Variants in GRIPAP1 observed in about 807,000 individuals in gnomAD.
GRIPAP1 encodes the protein GRIP1-associated protein 1.
Under a neutral mutation model 84.1 loss-of-function variants are expected in GRIPAP1, and 14 were observed. That is an observed-to-expected ratio of 0.17 (90% CI 0.11 to 0.26). The LOEUF is 0.26. Ranked by LOEUF, GRIPAP1 falls within the 10% of genes least tolerant of loss-of-function variation. The probability of loss-of-function intolerance (pLI) is 1.00; values close to 1 mark genes in which losing one functional copy is unlikely to be tolerated. For synonymous variants in GRIPAP1, 261 were observed against 256.8 expected (o/e 1.02, Z -0.15); for missense variants, 518 against 674.2 (o/e 0.77, Z 2.57).
chrX:48,976,237 G>A lies in GRIPAP1; in HGVS notation c.2184+4C>T. ...GGATGGGCAGGCAGGCAGGCAGGCAGCACCTTCTCCTCCAGCATCCATTTC... is the reference window on the plus strand; with the variant it reads ...GGATGGGCAGGCAGGCAGGCAGGCAACACCTTCTCCTCCAGCATCCATTTC... On this transcript the variant is annotated splice_donor_region_variant and intron_variant, in intron 23 of 25. Transcript: ENST00000376423. The A allele has an allele frequency of 1.7e-6, 2 of 1,172,373 alleles. No individual in the cohort carries two copies. The highest frequency in any genetic ancestry group is 1.8e-5 in the African/African-American group (1 of 56,672).
At chrX:48,974,461 G>T (rs992098444) in intron 25 of GRIPAP1, among the ~76,000 whole-genome samples, 176 bp from the exon 26 acceptor site, 2 of 112,011 alleles carry the variant, frequency 1.8e-5, no homozygotes, top group African/African-American at 6.5e-5. Context: ...CAGTGGGCAG[G>T]GCTCAGAAAA....
chrX:48,981,343 T>A, intron 20 of GRIPAP1, 29 bp from the exon 21 acceptor site: 1 of 1,196,310 alleles, frequency 8.4e-7, no homozygotes, highest in Non-Finnish European at 1.1e-6. Context: ...ACATGAGGAC[T>A]GAGGCCCAGT....
chrX:48,995,555 G>T (rs1392739219), intron 5 of GRIPAP1, among the ~76,000 whole-genome samples: 5 of 111,582 alleles, frequency 4.5e-5, no homozygotes, highest in Non-Finnish European at 9.4e-5. Flanking sequence ...ATGATAAGTG[G>T]TAGAGGCTAA....
intron 13 of GRIPAP1, among the ~76,000 whole-genome samples, chrX:48,985,836 A>G (rs1299285090): frequency 9.1e-6 from 1 of 110,468 alleles, no homozygotes; most frequent in Non-Finnish European, 1.9e-5. Flanking sequence ...GGTGGTGGCT[A>G]TGGTGGCGGG....
At chrX:48,988,558 G>T in intron 11 of GRIPAP1, 1 of 204,250 alleles carries the variant, frequency 4.9e-6, no homozygotes, top group Non-Finnish European at 9.2e-6. Flanking sequence ...GATCTCAGAT[G>T]TAGTCAGCAC....
intron 6 of GRIPAP1, chrX:48,991,403 C>G (rs1365366499): frequency 2.1e-5 from 6 of 288,684 alleles, no homozygotes; most frequent in Non-Finnish European, 3.6e-5. Flanking sequence ...CCTCACTCTC[C>G]CAAGTAGCTG....
At position 48,975,946 on chromosome X, in the gene GRIPAP1, G is replaced by A. The variant is rs368172521; in HGVS notation, c.2278+72C>T. On this transcript the variant is annotated intron_variant, in intron 24 of 25. Transcript: ENST00000376423. ...GTTCCGAGAGGAGAGGAGAGAAGCC[G>A]CAGCACAGAATGGAGAGGGAGGGCC... The A allele has an allele frequency of 2.3e-5, 20 of 878,607 alleles. No homozygotes were observed. In the African/African-American group the frequency reaches 2.4e-4, roughly 10 times the overall value. 72.4% of individuals were successfully genotyped at this position (878,607 alleles called of 1,213,427 possible).
chrX:48,984,714 CAAAAAAAAAAAAA>C (rs782364425), intron 14 of GRIPAP1, among the ~76,000 whole-genome samples: 2 of 15,848 alleles, frequency 1.3e-4, no homozygotes, highest in Non-Finnish European at 9.7e-5. Context: ...GACTCCATCT[CAAAAAAAAAAAAA>C]AAAAAAAAAA....
At chrX:48,980,903 G>A in intron 21 of GRIPAP1, 1 of 284,020 alleles carries the variant, frequency 3.5e-6, no homozygotes, top group Non-Finnish European at 6.2e-6. Context: ...AAAAGAGAGA[G>A]AAAAGGAGAA....
Position 48,987,785 on chromosome X carries a change from C to T in GRIPAP1, c.1041G>A (p.Gln347=). ...GCAAGGGCCCCCAGGTGTTCTTTAC[C>T]TGCTCCAGGGCAGCCAGGCTAGTCC... ...ALRTSLAALE[Q]IQTAKTQELN... is the part of the protein sequence containing the mutation. Residue 347 remains glutamine (Q), a splice_region_variant and synonymous_variant, in exon 13 of 26, where the codon CAG becomes CAA. Transcript: ENST00000376423. 1.7e-6 allele frequency: 2 copies of T among 1,170,251 alleles called. No individual in the cohort carries two copies. The highest frequency in any genetic ancestry group is 2.3e-6 in the Non-Finnish European group (2 of 860,326).
At position 48,978,302 on chromosome X, in the gene GRIPAP1, T is replaced by C; in HGVS notation, c.2061+3A>G. 1 of 1,209,353 alleles carries C rather than the reference T, an allele frequency of 8.3e-7. No homozygotes were observed. Among genetic ancestry groups the C allele is most frequent in the Non-Finnish European group, 1.1e-6 (1 of 893,977 alleles). On this transcript the variant is annotated splice_donor_region_variant and intron_variant, in intron 22 of 25. Coordinates refer to ENST00000376423, the MANE Select transcript of GRIPAP1 (RefSeq NM_020137.5). Reference sequence around the variant, plus strand: ...GAGCTGTAGGTTCTTCCTTTCCCCTTACCCTGGCTGGAACAGCCGAGCTCT... The same window carrying C: ...GAGCTGTAGGTTCTTCCTTTCCCCTCACCCTGGCTGGAACAGCCGAGCTCT...
At chrX:48,998,316 A>T (rs1397886483) in intron 3 of GRIPAP1, 136 bp from the exon 4 acceptor site, 4 of 482,983 alleles carry the variant, frequency 8.3e-6, no homozygotes, top group Non-Finnish European at 7.4e-6. Context: ...ATCTTCAACC[A>T]CAGAACATGT....
intron 22 of GRIPAP1, 187 bp downstream of exon 22, chrX:48,978,118 G>T (rs1302334126): frequency 2.4e-6 from 1 of 416,962 alleles, no homozygotes; most frequent in Non-Finnish European, 4.3e-6. Context: ...CAGAGAGAGA[G>T]AATGACTGGC....
chrX:48,989,726 AG>A lies in GRIPAP1; in HGVS notation c.771-17del, dbSNP rs1557064901. On this transcript the variant is annotated splice_polypyrimidine_tract_variant and intron_variant, in intron 10 of 25. Coordinates refer to ENST00000376423, the MANE Select transcript of GRIPAP1 (RefSeq NM_020137.5). ...AATCTTGTTCCTAGGAGTGATGGGG[AG>A]GGGGTGTGTTGGACATGGCTTGAGG... The A allele has an allele frequency of 1.8e-6, 2 of 1,140,773 alleles. No homozygotes were observed. The highest frequency in any genetic ancestry group is 4.4e-5 in the Admixed American group (2 of 45,885). The allele number at this position is 1,140,773 out of a possible 1,213,427, so 94.0% of individuals were successfully genotyped here.
In GRIPAP1 at chrX:48,983,247, C is replaced by T; in HGVS notation, c.1466G>A (p.Gly489Glu). 1 of 1,211,302 alleles carries T rather than the reference C, an allele frequency of 8.3e-7. No individual in the cohort carries two copies. Among genetic ancestry groups the T allele is most frequent in the Non-Finnish European group, 1.1e-6 (1 of 894,616 alleles). ...ACCCACCTTCTCCTCCCGGATCTGC[C>T]CACGGAGCTCCTCCTCCTGACGCTT... ...DKKRQEEELR[G>E]QIREEKARTR... Residue 489 changes from glycine to glutamate, a missense_variant, in exon 16 of 26, where the codon GGG (glycine) becomes GAG (glutamate). Gly to Glu is a moderately conservative substitution (Grantham distance 98). This residue lies in a region of GRIPAP1 where 372 missense variants were observed against 458.1 expected (regional missense o/e 0.81). Transcript: ENST00000376423.
chrX:49,002,034 C>T (rs973695145), intron 1 of GRIPAP1, among the ~76,000 whole-genome samples, 154 bp downstream of exon 1: 1 of 110,774 alleles, frequency 9.0e-6, no homozygotes, highest in Non-Finnish European at 1.9e-5. Flanking sequence ...ATCCAATAGT[C>T]TCACCACTCC....
chrX:48,993,327 C>A, intron 6 of GRIPAP1, 101 bp downstream of exon 6: 1 of 796,235 alleles, frequency 1.3e-6, no homozygotes, highest in Non-Finnish European at 1.7e-6. Flanking sequence ...ATGGGCCAAC[C>A]CTATTTCTGA....
intron 21 of GRIPAP1, among the ~76,000 whole-genome samples, chrX:48,979,034 C>T (rs1341777635): frequency 9.0e-6 from 1 of 110,525 alleles, no homozygotes; most frequent in Non-Finnish European, 1.9e-5. Context: ...GTGGCAGACA[C>T]ACTTGGACAC....
Position 48,983,820 on chromosome X carries a change from C to A in GRIPAP1, c.1227G>T (p.Gly409=). ...CCTGGGTCAACTGCTCCTTCTCCTG[C>A]CCTATTTCTTGAAGTTGTTCCAGCA... The part of the protein sequence containing the change: ...SRLLEQLQEI[G]QEKEQLTQEL... The change falls in exon 15 of 26, where the codon GGG becomes GGT. Residue 409 remains glycine (G), a synonymous_variant. Transcript: ENST00000376423. 8.4e-7 allele frequency: 1 copy of A among 1,196,752 alleles called. No homozygotes were observed.
Sources: allele counts gnomAD v4.1 joint callset (sites outside exome capture counted in the v4.1 genomes callset), GRCh38; gene constraint gnomAD v4.1.1; regional missense constraint gnomAD v4.1.1; transcripts MANE v1.5; gene names NCBI Gene and HGNC (gene_info 2026-07-23, HGNC 2026-07-21).